Variants in LYN observed in about 807,000 individuals in gnomAD.
The protein encoded by LYN is tyrosine-protein kinase Lyn.
Under a neutral mutation model 65.0 loss-of-function variants are expected in LYN, and 12 were observed. The observed-to-expected ratio is 0.18, with a 90% CI of 0.12 to 0.30. The LOEUF is 0.30. Ranked by LOEUF, LYN falls within the 10% of genes least tolerant of loss-of-function variation. The pLI, the probability that LYN is intolerant of heterozygous loss-of-function variation, is 1.00. For synonymous variants in LYN, 222 were observed against 221.2 expected, an observed-to-expected ratio of 1.00 and a Z score of -0.03; for missense variants, 380 against 623.2, an observed-to-expected ratio of 0.61 and a Z score of 4.16.
chr8:55,979,940 A>C (rs1807872544), intron 10 of LYN, among the ~76,000 whole-genome samples: 1 of 152,018 alleles, frequency 6.6e-6, no homozygotes, highest in African/African-American at 2.4e-5. Flanking sequence ...TCCCCTCCCC[A>C]CATCAAGACC....
At chr8:55,984,904 T>G (rs1808033668) in intron 10 of LYN, among the ~76,000 whole-genome samples, 1 of 152,268 alleles carries the variant, frequency 6.6e-6, no homozygotes. Context: ...TGGAAATCTA[T>G]GTTTCAGGGT....
chr8:55,990,551 A>G (rs2130569544), intron 10 of LYN, among the ~76,000 whole-genome samples: 1 of 152,332 alleles, frequency 6.6e-6, no homozygotes, highest in Non-Finnish European at 1.5e-5. Flanking sequence ...CCGTTTCAAA[A>G]TTTGTCAGAG....
intron 1 of LYN, among the ~76,000 whole-genome samples, chr8:55,909,028 C>T (rs879438113): frequency 0.59 from 33,904 of 57,486 alleles, 10,032 homozygotes; most frequent in East Asian, 0.86. Flanking sequence ...CACACACACA[C>T]ACACACACAC....
chr8:55,896,769 C>T (rs866921162), intron 1 of LYN, among the ~76,000 whole-genome samples: 6 of 152,318 alleles, frequency 3.9e-5, no homozygotes, highest in Admixed American at 6.5e-5. Flanking sequence ...GACAGAGCCT[C>T]GCTCTGTTAA....
intron 1 of LYN, among the ~76,000 whole-genome samples, chr8:55,926,705 A>G (rs1343495484): frequency 6.6e-6 from 1 of 152,254 alleles, no homozygotes; most frequent in Non-Finnish European, 1.5e-5. Context: ...ATGTGGATAC[A>G]TGCAACTTCT....
chr8:55,903,240 A>G (rs915258358), intron 1 of LYN, among the ~76,000 whole-genome samples: 3 of 152,060 alleles, frequency 2.0e-5, no homozygotes, highest in Non-Finnish European at 4.4e-5. Context: ...TGATTCGCCC[A>G]CCTCAGCCTC....
chr8:55,934,866 C>T (rs1806380820), intron 1 of LYN, among the ~76,000 whole-genome samples: 2 of 152,212 alleles, frequency 1.3e-5, no homozygotes, highest in Non-Finnish European at 2.9e-5. Flanking sequence ...CCAGTCTTTA[C>T]TCTTTCCAAC....
chr8:55,984,520 AC>A (rs1451808336), intron 10 of LYN, among the ~76,000 whole-genome samples: 1 of 152,186 alleles, frequency 6.6e-6, no homozygotes, highest in Non-Finnish European at 1.5e-5. Flanking sequence ...TCTTCCTTTT[AC>A]ATTGTATATC....
chr8:55,936,396 TTGGGAGGCTCACG>T (rs1426166416), intron 1 of LYN, among the ~76,000 whole-genome samples: 2 of 152,082 alleles, frequency 1.3e-5, no homozygotes, highest in Non-Finnish European at 2.9e-5. Context: ...TCCCAGCACT[TTGGGAGGCTCACG>T]TGGGAGGATC....
intron 8 of LYN, among the ~76,000 whole-genome samples, chr8:55,960,618 AG>A (rs1222753900): frequency 6.6e-6 from 1 of 152,246 alleles, no homozygotes; most frequent in Non-Finnish European, 1.5e-5. Context: ...TTGAGCTGCT[AG>A]AATTTAGTTT....
intron 1 of LYN, among the ~76,000 whole-genome samples, chr8:55,933,771 C>T (rs762303382): frequency 2.6e-5 from 4 of 152,238 alleles, no homozygotes; most frequent in Non-Finnish European, 5.9e-5. Context: ...AGATGCCAAT[C>T]TTCCATATAC....
At chr8:55,914,759 T>C in intron 1 of LYN, among the ~76,000 whole-genome samples, 1 of 152,176 alleles carries the variant, frequency 6.6e-6, no homozygotes, top group South Asian at 2.1e-4. Context: ...TTTACCTAAT[T>C]GGTAAAATAA....
intron 2 of LYN, among the ~76,000 whole-genome samples, chr8:55,945,972 A>C (rs909008888): frequency 6.6e-6 from 1 of 152,182 alleles, no homozygotes; most frequent in Non-Finnish European, 1.5e-5. Flanking sequence ...TTTGCTTTCT[A>C]TGTGAAGACT....
At chr8:55,995,752 G>C (rs944519034) in intron 10 of LYN, among the ~76,000 whole-genome samples, 1 of 152,148 alleles carries the variant, frequency 6.6e-6, no homozygotes, top group East Asian at 1.9e-4. Flanking sequence ...GGAGGGGGTC[G>C]TGGTGAGGAG....
At position 55,884,348 on chromosome 8, in the gene LYN, G is replaced by T. The variant is rs192905263; in HGVS notation, c.-6+4245G>T. Among the ~76,000 whole-genome samples, 1,020 of 151,990 alleles carry T rather than the reference G, an allele frequency of 6.7e-3. 10 individuals are homozygous for T. The highest frequency in any genetic ancestry group is 0.014 in the Middle Eastern group (4 of 292). On this transcript the variant is annotated intron_variant, in intron 1 of 12. Coordinates refer to ENST00000519728, the MANE Select transcript of LYN (RefSeq NM_002350.4). Reference sequence around the variant, plus strand: ...TTGAACTCCTGACCCCAAGTGATCTGCCCGTCTCGTCCTCACAAAATGCTG... The same window carrying T: ...TTGAACTCCTGACCCCAAGTGATCTTCCCGTCTCGTCCTCACAAAATGCTG...
At chr8:55,958,808 G>A (rs1807195368) in intron 8 of LYN, among the ~76,000 whole-genome samples, 1 of 152,128 alleles carries the variant, frequency 6.6e-6, no homozygotes, top group Non-Finnish European at 1.5e-5. Context: ...GCTTTTTAAG[G>A]CTTAATGATA....
At chr8:55,992,775 G>A (rs953170480) in intron 10 of LYN, among the ~76,000 whole-genome samples, 8 of 152,170 alleles carry the variant, frequency 5.3e-5, no homozygotes, top group African/African-American at 1.9e-4. Context: ...GCCTGGCGAG[G>A]TACTTCTTTC....
At chr8:55,920,599 T>C (rs1805917251) in intron 1 of LYN, among the ~76,000 whole-genome samples, 1 of 152,338 alleles carries the variant, frequency 6.6e-6, no homozygotes, top group Non-Finnish European at 1.5e-5. Context: ...TATGTTTATA[T>C]GTCTGTTAAT....
chr8:55,911,600 G>A lies in LYN; in HGVS notation c.-5-30255G>A, dbSNP rs186199008. On this transcript the variant is annotated intron_variant, in intron 1 of 12. Coordinates refer to ENST00000519728, the MANE Select transcript of LYN (RefSeq NM_002350.4). ...GTGGAAAGAAGTCTGAATTGGGGAA[G>A]TATTTATACATATGTGAAATTCCAT... Among the ~76,000 whole-genome samples the A allele has an allele frequency of 3.6e-3, 553 of 151,994 alleles. 2 individuals carry two copies. The highest frequency in any genetic ancestry group is 0.013 in the African/African-American group (534 of 41,434).
Sources: gnomAD v4.1 joint callset for allele counts (sites outside exome capture counted in the v4.1 genomes callset) on GRCh38, gnomAD v4.1.1 for gene constraint, MANE v1.5 for transcripts, NCBI Gene and HGNC (gene_info 2026-07-23, HGNC 2026-07-21) for gene names.